The following VAMP3 variants were observed in gnomAD, a reference collection of about 807,000 sequenced individuals.
VAMP3 encodes the protein vesicle associated membrane protein 3, also known as vesicle-associated membrane protein 3.
A neutral mutation model predicts 18.1 loss-of-function variants in VAMP3; 11 were observed. The observed-to-expected ratio is 0.61, with a 90% CI of 0.38 to 1.00. The LOEUF (loss-of-function observed/expected upper bound fraction) is 1.00, where lower values mean the gene tolerates loss of function less well. Ranked by LOEUF, VAMP3 falls within the 50% of genes least tolerant of loss-of-function variation. The pLI is 0.01. For missense variants in VAMP3, 122 were observed against 127.3 expected (o/e 0.96, Z 0.20); for synonymous variants, 49 against 43.1 (o/e 1.14, Z -0.53).
At chr1:7,772,135 A>G (rs903149564) in intron 1 of VAMP3, among the ~76,000 whole-genome samples, 1 of 152,246 alleles carries the variant, frequency 6.6e-6, no homozygotes, top group African/African-American at 2.4e-5. Flanking sequence ...GCTGTCCTGC[A>G]GCCAGCTGTG....
chr1:7,777,160 G>A lies in VAMP3; in HGVS notation c.73G>A (p.Val25Met). Residue 25 changes from valine to methionine, a missense_variant and splice_region_variant, in exon 3 of 5, where the codon GTG becomes ATG. Coordinates refer to ENST00000054666, the MANE Select transcript of VAMP3 (RefSeq NM_004781.4). ...LQQTQNQVDEVVDIMRVNVDK... is the reference protein window; with the variant it reads ...LQQTQNQVDEMVDIMRVNVDK... Reference sequence around the variant, plus strand: ...ACTTGCTGTGATCACACTCATCTAGGTGGTGGACATAATGCGAGTTAACGT... The same window carrying A: ...ACTTGCTGTGATCACACTCATCTAGATGGTGGACATAATGCGAGTTAACGT... The A allele has an allele frequency of 6.2e-7, 1 of 1,611,418 alleles. No individual in the cohort carries two copies. Among genetic ancestry groups the A allele is most frequent in the Non-Finnish European group, 8.5e-7 (1 of 1,178,682 alleles).
chr1:7,779,845 C>A lies in VAMP3; in HGVS notation c.*200C>A. 1.5e-6 allele frequency: 1 copy of A among 646,350 alleles called. No individual in the cohort carries two copies. The allele number at this position is 646,350 out of a possible 1,614,324, so 40.0% of individuals were successfully genotyped here. Reference sequence around the variant, plus strand: ...AGGCCGGCCCCGTCCACATTTTGCACAGTGCCTTTACAGATTTACGTATGG... The same window carrying A: ...AGGCCGGCCCCGTCCACATTTTGCAAAGTGCCTTTACAGATTTACGTATGG... On this transcript the variant is annotated 3_prime_UTR_variant, in exon 5 of 5. Transcript: ENST00000054666.
At chr1:7,775,092 A>C (rs901041333) in intron 2 of VAMP3, among the ~76,000 whole-genome samples, 14 of 152,178 alleles carry the variant, frequency 9.2e-5, no homozygotes, top group African/African-American at 3.1e-4. Context: ...TAACCATCCT[A>C]CTGAGCTCTT....
intron 4 of VAMP3, among the ~76,000 whole-genome samples, chr1:7,779,255 T>G (rs2097055879): frequency 1.3e-5 from 2 of 152,108 alleles, no homozygotes; most frequent in Middle Eastern, 6.8e-3. Context: ...CATATAATAA[T>G]AAAAATAATA....
intron 3 of VAMP3, 57 bp from the exon 4 acceptor site, chr1:7,778,061 C>T (rs2097055165): frequency 6.3e-7 from 1 of 1,580,818 alleles, no homozygotes; most frequent in Admixed American, 1.7e-5. Flanking sequence ...TAATACTCTT[C>T]AACAAGCACA....
At chr1:7,778,296 C>A (rs1359557061) in intron 4 of VAMP3, 127 bp downstream of exon 4, 1 of 1,129,184 alleles carries the variant, frequency 8.9e-7, no homozygotes, top group Non-Finnish European at 1.3e-6. Flanking sequence ...GGTGCGGTGA[C>A]TCATGCCTGT....
rs1469805588 is a variant in VAMP3 at position 7,777,215 on chromosome 1, T to G, written c.128T>G (p.Leu43Arg). The G allele has an allele frequency of 6.2e-7, 1 of 1,613,848 alleles. No individual in the cohort carries two copies. The highest frequency in any genetic ancestry group is 8.5e-7 in the Non-Finnish European group (1 of 1,179,920). ...AAGGTTCTGGAAAGAGACCAGAAGC[T>G]CTCTGAGTTAGACGACCGTGCAGAC... is the stretch of plus-strand genomic sequence containing the variant. ...VDKVLERDQKLSELDDRADAL... is the reference protein window; with the variant it reads ...VDKVLERDQKRSELDDRADAL... The change falls in exon 3 of 5, where the codon CTC (leucine) becomes CGC (arginine). Residue 43 changes from leucine to arginine, a missense_variant. Transcript: ENST00000054666.
intron 1 of VAMP3, 109 bp downstream of exon 1, chr1:7,771,494 G>C: frequency 1.5e-6 from 2 of 1,312,036 alleles, no homozygotes; most frequent in South Asian, 3.5e-5. Context: ...ACGCAGGCCG[G>C]GGCTGCGCGG....
In VAMP3 at chr1:7,779,620, T is replaced by C. The variant is rs189716933; in HGVS notation, c.284-6T>C. The C allele has an allele frequency of 7.2e-5, 116 of 1,614,146 alleles. No homozygotes were observed. The highest frequency in any genetic ancestry group is 1.6e-4 in the Middle Eastern group (1 of 6,062). On this transcript the variant is annotated splice_region_variant and splice_polypyrimidine_tract_variant and intron_variant, in intron 4 of 4. Coordinates refer to ENST00000054666, the MANE Select transcript of VAMP3 (RefSeq NM_004781.4). ...CCTGCCTTTTTGCATCTCTCCTCCT[T>C]CTTAGTGTGGGTTGTCTCTTCATGA...
At chr1:7,771,461 AG>A in intron 1 of VAMP3, 76 bp downstream of exon 1, 1 of 1,422,490 alleles carries the variant, frequency 7.0e-7, no homozygotes, top group Non-Finnish European at 9.1e-7. Flanking sequence ...CATACTGCCC[AG>A]TTGCCGCCGG....
chr1:7,773,333 C>A, intron 1 of VAMP3, 109 bp from the exon 2 acceptor site: 1 of 833,488 alleles, frequency 1.2e-6, no homozygotes, highest in South Asian at 1.8e-5. Context: ...TGTTTTAGTT[C>A]TAATGTAAGA....
At chr1:7,771,434 G>C in intron 1 of VAMP3, 49 bp downstream of exon 1, 1 of 1,510,150 alleles carries the variant, frequency 6.6e-7, no homozygotes, top group Non-Finnish European at 8.8e-7. Context: ...GCAGGCGGCA[G>C]CTCGCGCTGG....
intron 1 of VAMP3, 97 bp downstream of exon 1, chr1:7,771,482 G>A (rs1037997040): frequency 7.2e-7 from 1 of 1,386,718 alleles, no homozygotes; most frequent in Admixed American, 3.2e-5. Context: ...GCCGCCACTC[G>A]GACGCAGGCC....
At chr1:7,779,572 T>C (rs914836321) in intron 4 of VAMP3, 54 bp from the exon 5 acceptor site, 57 of 1,613,276 alleles carry the variant, frequency 3.5e-5, no homozygotes, top group Admixed American at 1.8e-4. Context: ...GGATTCACAC[T>C]GAGAGACTAA....
intron 2 of VAMP3, among the ~76,000 whole-genome samples, chr1:7,774,507 C>G (rs968555231): frequency 4.6e-5 from 7 of 152,128 alleles, no homozygotes; most frequent in Non-Finnish European, 7.4e-5. Context: ...TTTCCATTTT[C>G]AGAACTTTTT....
chr1:7,771,357 G>A lies in VAMP3; in HGVS notation c.-27G>A, dbSNP rs2150364534. ...GCTTCTCTGCTGACCCTCTCTCGTC[G>A]CCGCTGCCGCCGCCGCAGCTGCCAA... On this transcript the variant is annotated 5_prime_UTR_variant, in exon 1 of 5. Transcript: ENST00000054666. The A allele has an allele frequency of 6.3e-7, 1 of 1,591,556 alleles. No individual in the cohort carries two copies. Among genetic ancestry groups the A allele is most frequent in the East Asian group, 2.4e-5 (1 of 42,242 alleles).
chr1:7,773,154 A>G (rs1020406085), intron 1 of VAMP3: 1 of 364,242 alleles, frequency 2.7e-6, no homozygotes, highest in Non-Finnish European at 5.0e-6. Flanking sequence ...AAAAAAGGAC[A>G]GTAGAGCTTA....
At chr1:7,775,144 G>A (rs1331346245) in intron 2 of VAMP3, among the ~76,000 whole-genome samples, 4 of 152,150 alleles carry the variant, frequency 2.6e-5, no homozygotes, top group Non-Finnish European at 4.4e-5. Context: ...GTGATGTTAA[G>A]CATCTTTTCA....
intron 2 of VAMP3, 139 bp downstream of exon 2, chr1:7,773,650 T>C (rs1288626945): frequency 5.9e-5 from 49 of 825,090 alleles, no homozygotes; most frequent in Non-Finnish European, 5.8e-6. Flanking sequence ...CTTTGCTCCC[T>C]GCTGTGCTGG....
Sources: gnomAD v4.1 joint callset for allele counts (sites outside exome capture counted in the v4.1 genomes callset) on GRCh38, gnomAD v4.1.1 for gene constraint, MANE v1.5 for transcripts, NCBI Gene and HGNC (gene_info 2026-07-23, HGNC 2026-07-21) for gene names.